The following SHQ1 variants were observed in gnomAD, a reference collection of about 807,000 sequenced individuals.
The protein encoded by SHQ1 is protein SHQ1 homolog.
Under a neutral mutation model 53.8 loss-of-function variants are expected in SHQ1, and 49 were observed. That is an observed-to-expected ratio of 0.91 (90% CI 0.72 to 1.16). The LOEUF (loss-of-function observed/expected upper bound fraction) is 1.16, where lower values mean the gene tolerates loss of function less well. Ranked by LOEUF, SHQ1 falls within the 50% of genes most tolerant of loss-of-function variation. SHQ1 has a pLI of 0.00. For synonymous variants in SHQ1, 243 were observed against 251.0 expected (o/e 0.97, Z 0.30); for missense variants, 738 against 683.1 (o/e 1.08, Z -0.90).
chr3:72,755,393 C>T (rs916442112), intron 10 of SHQ1, among the ~76,000 whole-genome samples: 3 of 152,066 alleles, frequency 2.0e-5, no homozygotes, highest in Admixed American at 6.6e-5. Context: ...CCTTTAATAC[C>T]TCAAGCTGGC....
intron 6 of SHQ1, among the ~76,000 whole-genome samples, chr3:72,818,128 C>T (rs1359012626): frequency 6.6e-6 from 1 of 152,002 alleles, no homozygotes; most frequent in Non-Finnish European, 1.5e-5. Flanking sequence ...GGAGTTTATA[C>T]TTCCTACACC....
At chr3:72,815,705 A>G (rs1446891019) in intron 7 of SHQ1, among the ~76,000 whole-genome samples, 1 of 152,206 alleles carries the variant, frequency 6.6e-6, no homozygotes, top group East Asian at 1.9e-4. Context: ...TCCCTGCTCA[A>G]TTTCTGTCCT....
At chr3:72,733,751 T>C in the SHQ1 span, among the ~76,000 whole-genome samples, 1 of 151,664 alleles carries the variant, frequency 6.6e-6, no homozygotes, top group African/African-American at 2.4e-5. Flanking sequence ...GTGTCCTTCA[T>C]GAAGCCTCCC....
intron 9 of SHQ1, among the ~76,000 whole-genome samples, chr3:72,809,325 A>G (rs887526510): frequency 1.3e-5 from 2 of 152,218 alleles, no homozygotes; most frequent in Admixed American, 6.5e-5. Flanking sequence ...TCTTGTGACT[A>G]GAAGTGGTAA....
chr3:72,780,871 C>T (rs1436253541), intron 10 of SHQ1, among the ~76,000 whole-genome samples: 1 of 152,128 alleles, frequency 6.6e-6, no homozygotes, highest in Non-Finnish European at 1.5e-5. Context: ...AGGTGTATTC[C>T]ATCACTTGAT....
Position 72,792,971 on chromosome 3 carries a change from A to G in SHQ1, c.1126T>C (p.Tyr376His). ...HKIFQENDPAYILNDLYISDY... is the reference protein window; with the variant it reads ...HKIFQENDPAHILNDLYISDY... ...GAGATGTAGAGATCATTCAGTATGT[A>G]CGCTGGGTCATTTTCCTGAAAAATT... Residue 376 changes from tyrosine (Y) to histidine (H), a missense_variant, in exon 10 of 11, where the codon TAC (tyrosine) becomes CAC (histidine). Transcript: ENST00000325599. The G allele has an allele frequency of 3.1e-6, 5 of 1,612,128 alleles. No homozygotes were observed. The highest frequency in any genetic ancestry group is 4.2e-6 in the Non-Finnish European group (5 of 1,179,374).
intron 6 of SHQ1, among the ~76,000 whole-genome samples, chr3:72,823,679 A>G (rs908017456): frequency 6.6e-6 from 1 of 152,206 alleles, no homozygotes; most frequent in African/African-American, 2.4e-5. Context: ...ACGTGAGTCT[A>G]TGTGTAGACA....
At chr3:72,815,573 G>A (rs1358814521) in intron 7 of SHQ1, among the ~76,000 whole-genome samples, 170 bp from the exon 8 acceptor site, 1 of 152,188 alleles carries the variant, frequency 6.6e-6, no homozygotes, top group Non-Finnish European at 1.5e-5. Flanking sequence ...GAGACTACCA[G>A]TGGGAAGTTT....
intron 5 of SHQ1, among the ~76,000 whole-genome samples, chr3:72,828,791 G>A (rs1231611236): frequency 6.6e-6 from 1 of 152,206 alleles, no homozygotes; most frequent in African/African-American, 2.4e-5. Context: ...TGGCAAAAGT[G>A]AAGCTACAGA....
chr3:72,832,405 G>T lies in SHQ1; in HGVS notation c.563C>A (p.Ala188Asp). 6.2e-7 allele frequency: 1 copy of T among 1,612,620 alleles called. No homozygotes were observed. The highest frequency in any genetic ancestry group is 1.3e-5 in the African/African-American group (1 of 75,000). Residue 188 changes from alanine (A) to aspartate (D), a missense_variant, in exon 5 of 11, where the codon GCC becomes GAC. Ala to Asp is a moderately radical substitution (Grantham distance 126, BLOSUM62 -2). Transcript: ENST00000325599. ...PAAERRQKRL[A>D]AELAKFDPDH... Reference sequence around the variant, plus strand: ...AGGATCAAACTTGGCCAGCTCAGCGGCCAGGCGCTTCTGTCTTCGTTCAGC... The same window carrying T: ...AGGATCAAACTTGGCCAGCTCAGCGTCCAGGCGCTTCTGTCTTCGTTCAGC...
downstream of SHQ1, among the ~76,000 whole-genome samples, chr3:72,744,923 T>TGGGG (rs371271667): frequency 2.7e-5 from 2 of 72,740 alleles, no homozygotes; most frequent in African/African-American, 8.4e-5. Context: ...TTTGATACAT[T>TGGGG]GGGGGGGGGG....
chr3:72,779,941 A>G (rs949721642), intron 10 of SHQ1, among the ~76,000 whole-genome samples: 1 of 152,172 alleles, frequency 6.6e-6, no homozygotes, highest in African/African-American at 2.4e-5. Context: ...TCTTTCTGAT[A>G]AAAAGGTACA....
At chr3:72,733,187 G>A in the SHQ1 span, among the ~76,000 whole-genome samples, 2 of 151,548 alleles carry the variant, frequency 1.3e-5, no homozygotes. Context: ...TATCAACATG[G>A]CAAGCCATGC....
At chr3:72,735,750 A>C in the SHQ1 span, among the ~76,000 whole-genome samples, 155 of 122,618 alleles carry the variant, frequency 1.3e-3, no homozygotes, top group African/African-American at 4.7e-3. Context: ...GGAAGGAAGG[A>C]AGGCAGGCAG....
At chr3:72,810,751 G>A (rs185614866) in intron 9 of SHQ1, among the ~76,000 whole-genome samples, 2 of 152,260 alleles carry the variant, frequency 1.3e-5, no homozygotes, top group East Asian at 3.9e-4. Context: ...TACAAAGACA[G>A]GTGACGATTC....
the SHQ1 span, among the ~76,000 whole-genome samples, chr3:72,726,921 C>T: frequency 6.6e-6 from 1 of 152,076 alleles, no homozygotes; most frequent in Non-Finnish European, 1.5e-5. Flanking sequence ...AGGCAAAAAT[C>T]GTAAAGGGTA....
At chr3:72,765,161 T>C (rs149959150) in intron 10 of SHQ1, among the ~76,000 whole-genome samples, 1 of 152,294 alleles carries the variant, frequency 6.6e-6, no homozygotes, top group African/African-American at 2.4e-5. Context: ...AAACATTTTA[T>C]CTCAAAACCC....
chr3:72,819,468 G>C (rs1707413918), intron 6 of SHQ1, among the ~76,000 whole-genome samples: 2 of 151,704 alleles, frequency 1.3e-5, no homozygotes, highest in Non-Finnish European at 2.9e-5. Flanking sequence ...ACAAGATTCT[G>C]GATTTATAGC....
At chr3:72,810,184 G>A (rs538414952) in intron 9 of SHQ1, among the ~76,000 whole-genome samples, 15 of 152,156 alleles carry the variant, frequency 9.9e-5, no homozygotes, top group Non-Finnish European at 2.2e-4. Context: ...GATCCAAGGA[G>A]AGCAAGGTCC....
Sources: gnomAD v4.1 joint callset for allele counts (sites outside exome capture counted in the v4.1 genomes callset) on GRCh38, gnomAD v4.1.1 for gene constraint, MANE v1.5 for transcripts, NCBI Gene and HGNC (gene_info 2026-07-23, HGNC 2026-07-21) for gene names.